DIDO1: variants seen among roughly 807,000 people sequenced by gnomAD.
The protein encoded by DIDO1 is death-inducer obliterator 1.
A neutral mutation model predicts 99.4 loss-of-function variants in DIDO1; 16 were observed. The observed-to-expected ratio is 0.16, with a 90% confidence interval of 0.11 to 0.24. The LOEUF (loss-of-function observed/expected upper bound fraction) is 0.24, where lower values mean the gene tolerates loss of function less well. DIDO1 is among the 10% of genes least tolerant of loss of function. The pLI, the probability that DIDO1 is intolerant of heterozygous loss-of-function variation, is 1.00. For missense variants in DIDO1, 2,996 were observed against 3,014.0 expected, an observed-to-expected ratio of 0.99 and a Z score of 0.14; for synonymous variants, 1,366 against 1,239.1, an observed-to-expected ratio of 1.10 and a Z score of -2.15.
intron 1 of DIDO1, among the ~76,000 whole-genome samples, chr20:62,922,087 CTATATATACACACTA>C (rs200451153): frequency 2.2e-3 from 303 of 139,126 alleles, no homozygotes; most frequent in Admixed American, 5.0e-3. Flanking sequence ...TATATACACA[CTATATATACACACTA>C]TATATATACA....
chr20:62,895,777 C>T (rs1228437390), intron 8 of DIDO1, among the ~76,000 whole-genome samples: 1 of 152,156 alleles, frequency 6.6e-6, no homozygotes, highest in Non-Finnish European at 1.5e-5. Context: ...GTGAGCAGCC[C>T]CTGCTCCAAG....
Position 62,881,392 on chromosome 20 carries a change from A to C in DIDO1, c.4564T>G (p.Ser1522Ala). The C allele has an allele frequency of 6.2e-7, 1 of 1,604,534 alleles. No homozygotes were observed. The highest frequency in any genetic ancestry group is 8.5e-7 in the Non-Finnish European group (1 of 1,179,044). The change falls in exon 16 of 16, where the codon TCT becomes GCT. Residue 1522 changes from serine to alanine, a missense_variant. Physicochemically the swap from Ser to Ala is moderately conservative, Grantham distance 99 (BLOSUM62 1). Coordinates refer to ENST00000395343, the MANE Select transcript of DIDO1 (RefSeq NM_001193369.2). The surrounding 1 kb of genome is among the most constrained non-coding windows in gnomAD (Gnocchi z 8.3). ...AHFSVSDALM[S>A]PPPKSSLPKA... is the part of the protein sequence containing the mutation. ...GGCAAGGACGACTTTGGTGGTGGAG[A>C]CATCAAGGCGTCCGACACCGAGAAG...
Position 62,879,815 on chromosome 20 carries a change from G to A in DIDO1, c.6141C>T (p.Pro2047=). ...CGGGCGCACTGGAGGAGAGCGCGGA[G>A]GGCGGCCCGGCCTCCTCCCAGCGGT... The part of the protein sequence containing the change: ...RKDRWEEAGP[P]SALSSSAPGQ... The change falls in exon 16 of 16, where the codon CCC becomes CCT. Residue 2047 remains proline (P), a synonymous_variant. Coordinates refer to ENST00000395343, the MANE Select transcript of DIDO1 (RefSeq NM_001193369.2). This position sits in a 1 kb window ranked among gnomAD's most constrained non-coding sequence, Gnocchi z 6.3. 6 of 1,609,712 alleles carry A rather than the reference G, an allele frequency of 3.7e-6. No individual in the cohort carries two copies. Among genetic ancestry groups the A allele is most frequent in the South Asian group, 1.1e-5 (1 of 90,966 alleles).
intron 1 of DIDO1, among the ~76,000 whole-genome samples, chr20:62,935,715 C>T (rs2147617327): frequency 6.6e-6 from 1 of 152,326 alleles, no homozygotes; most frequent in South Asian, 2.1e-4. Context: ...GCTAACTTTA[C>T]ACAGGCAACT....
At chr20:62,916,764 T>A (rs1424470693) in intron 1 of DIDO1, among the ~76,000 whole-genome samples, 1 of 152,194 alleles carries the variant, frequency 6.6e-6, no homozygotes, top group South Asian at 2.1e-4. Flanking sequence ...GAATGGAGTA[T>A]TGTAACCATC....
intron 5 of DIDO1, 51 bp from the exon 6 acceptor site, chr20:62,906,151 T>C (rs535804975): frequency 2.5e-5 from 39 of 1,559,342 alleles, no homozygotes; most frequent in Non-Finnish European, 3.3e-5. Flanking sequence ...AAATCATACC[T>C]TCACTTCATT....
chr20:62,937,084 C>T (rs2065396244), intron 1 of DIDO1, among the ~76,000 whole-genome samples: 1 of 152,248 alleles, frequency 6.6e-6, no homozygotes, highest in African/African-American at 2.4e-5. Flanking sequence ...GACCGACCGA[C>T]ATAGCTTACA....
At chr20:62,904,804 A>AAAAAAAAAAAAAT in intron 6 of DIDO1, among the ~76,000 whole-genome samples, 1 of 141,180 alleles carries the variant, frequency 7.1e-6, no homozygotes, top group East Asian at 2.1e-4. Context: ...AAAAAAAAAA[A>AAAAAAAAAAAAAT]AAAGTGTCTT....
intron 2 of DIDO1, among the ~76,000 whole-genome samples, chr20:62,912,668 T>C (rs1012786368): frequency 4.6e-5 from 7 of 152,218 alleles, no homozygotes; most frequent in Admixed American, 1.3e-4. Context: ...TCAATGCTAA[T>C]GATGACTCTG....
At chr20:62,888,235 C>T (rs973918280) in intron 15 of DIDO1, 8 of 985,394 alleles carry the variant, frequency 8.1e-6, no homozygotes, top group South Asian at 4.7e-5. Flanking sequence ...GGCATGGACA[C>T]CTGCAATTGT....
intron 1 of DIDO1, among the ~76,000 whole-genome samples, chr20:62,918,122 A>T (rs2065071568): frequency 6.6e-6 from 1 of 152,274 alleles, no homozygotes; most frequent in African/African-American, 2.4e-5. Context: ...TCACCAAAAC[A>T]GTAAGCAGCC....
In DIDO1 at chr20:62,911,691, C is replaced by T. The variant is rs1315276860; in HGVS notation, c.-2-77G>A. The stretch of plus-strand genomic sequence containing the variant: ...TGACATTGCCGCCAAACACGCGCAG[C>T]AGGGGCCACCTCCCTACAAACAGTG... On this transcript the variant is annotated intron_variant, in intron 2 of 15. Transcript: ENST00000395343. The surrounding 1 kb of genome is among the most constrained non-coding windows in gnomAD (Gnocchi z 7.0). 5.4e-6 allele frequency: 7 copies of T among 1,302,390 alleles called. No individual in the cohort carries two copies. Among genetic ancestry groups the T allele is most frequent in the African/African-American group, 4.5e-5 (3 of 67,360 alleles). 80.7% of individuals were successfully genotyped at this position (1,302,390 alleles called of 1,614,324 possible). A position where few individuals can be genotyped will look rare whatever the true frequency, so the allele number is the denominator to read the frequency against.
chr20:62,935,818 G>A (rs867683536), intron 1 of DIDO1, among the ~76,000 whole-genome samples: 1 of 152,238 alleles, frequency 6.6e-6, no homozygotes, highest in Admixed American at 6.5e-5. Context: ...GTAGTGACAG[G>A]ACTTCTGGAG....
rs971238235 is a variant in DIDO1, at chr20:62,907,349, G to A, written c.1172C>T (p.Ala391Val). 24 of 1,613,774 alleles carry A rather than the reference G, an allele frequency of 1.5e-5. No homozygotes were observed. Among genetic ancestry groups the A allele is most frequent in the African/African-American group, 8.0e-5 (6 of 74,932 alleles). The stretch of plus-strand genomic sequence containing the variant: ...GCCAATACATTTTGAGGCACCAGGC[G>A]CCTCTATCACCTGCAGAACAAAACA... Reference protein sequence around the residue: ...KLKIFQPVIEAPGASKCIGPG... With the variant: ...KLKIFQPVIEVPGASKCIGPG... The change falls in exon 5 of 16, where the codon GCG (alanine) becomes GTG (valine). Residue 391 changes from alanine (A) to valine (V), a missense_variant. Physicochemically the swap from Ala to Val is moderately conservative, Grantham distance 64. Transcript: ENST00000395343.
chr20:62,879,968 T>G lies in DIDO1; in HGVS notation c.5988A>C (p.Ala1996=). ...PLQFGGLRGS[A]PFSEKNEQTP... ...TCTGCTCATTTTTTTCAGAAAAGGG[T>G]GCGGACCCCCGTAGTCCACCAAACT... The change falls in exon 16 of 16, where the codon GCA becomes GCC. Residue 1996 remains alanine, a synonymous_variant. Transcript: ENST00000395343. The surrounding 1 kb of genome is among the most constrained non-coding windows in gnomAD (Gnocchi z 6.3). 5.0e-6 allele frequency: 8 copies of G among 1,609,848 alleles called. No individual in the cohort carries two copies. Among genetic ancestry groups the G allele is most frequent in the Non-Finnish European group, 6.8e-6 (8 of 1,179,184 alleles).
intron 2 of DIDO1, among the ~76,000 whole-genome samples, chr20:62,912,290 G>A (rs1251007803): frequency 1.3e-5 from 2 of 152,198 alleles, no homozygotes; most frequent in Non-Finnish European, 2.9e-5. Flanking sequence ...TGAGAGAACT[G>A]CCTAACTCCT....
intron 6 of DIDO1, chr20:62,905,366 G>C: frequency 6.9e-7 from 1 of 1,445,570 alleles, no homozygotes; most frequent in South Asian, 1.5e-5. Flanking sequence ...TATCTGCCCA[G>C]TCAAAAATAA....
chr20:62,885,244 C>T (rs549315284), intron 15 of DIDO1, among the ~76,000 whole-genome samples: 2 of 152,180 alleles, frequency 1.3e-5, no homozygotes, highest in East Asian at 1.9e-4. Context: ...GGCTAGGCCT[C>T]GGGAAGGACC....
chr20:62,887,388 A>C (rs1458485288), intron 15 of DIDO1: 11 of 985,370 alleles, frequency 1.1e-5, no homozygotes, highest in Non-Finnish European at 1.3e-5. Flanking sequence ...TAATTTAGAA[A>C]GCAATTAAAA....
Sources: gnomAD v4.1 joint callset for allele counts (sites outside exome capture counted in the v4.1 genomes callset) on GRCh38, gnomAD v4.1.1 for gene constraint, Gnocchi (gnomAD v3.1) non-coding constraint, MANE v1.5 for transcripts, NCBI Gene and HGNC (gene_info 2026-07-23, HGNC 2026-07-21) for gene names.